Variants in TOM1L2 observed in about 807,000 individuals in gnomAD.
The protein encoded by TOM1L2 is target of myb1 like 2 membrane trafficking protein.
Under a neutral mutation model 67.9 loss-of-function variants are expected in TOM1L2, and 31 were observed. The observed-to-expected ratio is 0.46, with a 90% confidence interval of 0.34 to 0.62. The LOEUF (loss-of-function observed/expected upper bound fraction) is 0.62. Among genes scored for constraint, TOM1L2 ranks in the 20% least tolerant of loss-of-function variants. The pLI, the probability that TOM1L2 is intolerant of heterozygous loss-of-function variation, is 0.01. For synonymous variants in TOM1L2, 256 were observed against 254.0 expected, an observed-to-expected ratio of 1.01 and a Z score of -0.07; for missense variants, 606 against 663.5, an observed-to-expected ratio of 0.91 and a Z score of 0.95.
At chr17:17,869,131 A>C (rs2037010059) in intron 8 of TOM1L2, 4 of 924,714 alleles carry the variant, frequency 4.3e-6, no homozygotes, top group Non-Finnish European at 6.2e-6. Context: ...TCTGCACGTC[A>C]ACTTCCTGCT....
At chr17:17,859,986 G>T (rs1273288864) in intron 12 of TOM1L2, 1 of 152,354 alleles carries the variant, frequency 6.6e-6, no homozygotes, top group African/African-American at 2.4e-5. Flanking sequence ...GTGAAGGGCG[G>T]GAAGTCACTC....
At chr17:17,851,175 T>C in intron 12 of TOM1L2, 1 of 559,662 alleles carries the variant, frequency 1.8e-6, no homozygotes, top group Non-Finnish European at 3.2e-6. Flanking sequence ...AGAAGCAGGC[T>C]CCCGGCAGGG....
chr17:17,926,544 A>G (rs2040091737), intron 1 of TOM1L2, among the ~76,000 whole-genome samples: 1 of 152,234 alleles, frequency 6.6e-6, no homozygotes, highest in African/African-American at 2.4e-5. Flanking sequence ...CAGTGAGAAC[A>G]AACAGGGAAG....
chr17:17,873,955 CTTA>C (rs2037287312), intron 7 of TOM1L2, among the ~76,000 whole-genome samples: 1 of 151,326 alleles, frequency 6.6e-6, no homozygotes, highest in Non-Finnish European at 1.5e-5. Context: ...TATTTACTTA[CTTA>C]TTTTTTTTTT....
chr17:17,864,625 C>T (rs2143764757), intron 10 of TOM1L2, among the ~76,000 whole-genome samples: 1 of 152,132 alleles, frequency 6.6e-6, no homozygotes, highest in East Asian at 1.9e-4. Flanking sequence ...GATCCTCCTG[C>T]CTCAACCCCC....
chr17:17,959,682 A>C (rs1165201193), intron 1 of TOM1L2, among the ~76,000 whole-genome samples: 1 of 152,038 alleles, frequency 6.6e-6, no homozygotes, highest in African/African-American at 2.4e-5. Context: ...AGCAAAAAAA[A>C]CTCCACAGTG....
intron 1 of TOM1L2, among the ~76,000 whole-genome samples, chr17:17,962,071 A>G (rs1427747346): frequency 6.6e-6 from 1 of 152,254 alleles, no homozygotes; most frequent in Non-Finnish European, 1.5e-5. Flanking sequence ...ATGCTCCAAT[A>G]GAGATGAAAC....
intron 1 of TOM1L2, among the ~76,000 whole-genome samples, chr17:17,946,681 G>A (rs935001148): frequency 6.6e-6 from 1 of 152,004 alleles, no homozygotes; most frequent in Non-Finnish European, 1.5e-5. Context: ...CAGGAGGCCT[G>A]TTTTGCTCTC....
At chr17:17,922,269 T>C (rs968543444) in intron 1 of TOM1L2, among the ~76,000 whole-genome samples, 1 of 151,846 alleles carries the variant, frequency 6.6e-6, no homozygotes, top group South Asian at 2.1e-4. Flanking sequence ...AGGAACATCA[T>C]AGGCTATGCA....
At chr17:17,925,117 C>A (rs1034578086) in intron 1 of TOM1L2, among the ~76,000 whole-genome samples, 1 of 152,182 alleles carries the variant, frequency 6.6e-6, no homozygotes, top group Non-Finnish European at 1.5e-5. Flanking sequence ...CCTGAAGCCT[C>A]CTCAGAAGCA....
intron 4 of TOM1L2, 23 bp from the exon 5 acceptor site, chr17:17,884,791 A>G: frequency 6.2e-7 from 1 of 1,612,520 alleles, no homozygotes; most frequent in Non-Finnish European, 8.5e-7. Context: ...AAGGCCTGTT[A>G]GGAAGCATTT....
At position 17,882,741 on chromosome 17, in the gene TOM1L2, C is replaced by A. The variant is rs924775558; in HGVS notation, c.624G>T (p.Leu208=). 2 of 1,614,208 alleles carry A rather than the reference C, an allele frequency of 1.2e-6. No individual in the cohort carries two copies. The highest frequency in any genetic ancestry group is 1.7e-6 in the Non-Finnish European group (2 of 1,180,030). The change falls in exon 6 of 15, where the codon CTG becomes CTT. Residue 208 remains leucine (L), a synonymous_variant. Transcript: ENST00000379504. ...TGGCTGTGATGGGGCCAGTCACACTCAGAGCTGGGGCCTGCGGTGCGGAGT... is the reference window on the plus strand; with the variant it reads ...TGGCTGTGATGGGGCCAGTCACACTAAGAGCTGGGGCCTGCGGTGCGGAGT... The part of the protein sequence containing the change: ...APYSAPQAPA[L]SVTGPITANS...
At chr17:17,875,598 A>G (rs2037384612) in intron 7 of TOM1L2, among the ~76,000 whole-genome samples, 1 of 152,268 alleles carries the variant, frequency 6.6e-6, no homozygotes, top group South Asian at 2.1e-4. Context: ...AACAGAGGGA[A>G]GAACAGCTGG....
intron 1 of TOM1L2, among the ~76,000 whole-genome samples, chr17:17,949,205 T>A (rs1177223827): frequency 6.6e-6 from 1 of 152,228 alleles, no homozygotes; most frequent in African/African-American, 2.4e-5. Context: ...TCCACCTTCA[T>A]CTTTTCCCAG....
At chr17:17,929,302 C>T (rs556200477) in intron 1 of TOM1L2, among the ~76,000 whole-genome samples, 2 of 152,282 alleles carry the variant, frequency 1.3e-5, no homozygotes, top group African/African-American at 4.8e-5. Flanking sequence ...CTGCTTTGAG[C>T]AGCAGGCTTT....
intron 4 of TOM1L2, among the ~76,000 whole-genome samples, chr17:17,885,751 C>T (rs2037961682): frequency 6.6e-6 from 1 of 151,720 alleles, no homozygotes; most frequent in Non-Finnish European, 1.5e-5. Flanking sequence ...AGTGAAACCC[C>T]ATCTCTACTA....
intron 1 of TOM1L2, among the ~76,000 whole-genome samples, chr17:17,911,506 G>A (rs186433475): frequency 2.0e-5 from 3 of 152,246 alleles, no homozygotes; most frequent in East Asian, 1.9e-4. Flanking sequence ...AGGTTTTGAC[G>A]ATTTAGGTGA....
At chr17:17,903,420 G>A (rs1046967164) in intron 2 of TOM1L2, among the ~76,000 whole-genome samples, 6 of 151,972 alleles carry the variant, frequency 3.9e-5, no homozygotes, top group Non-Finnish European at 5.9e-5. Flanking sequence ...TAAGGGGATC[G>A]AGACCATGGT....
intron 4 of TOM1L2, among the ~76,000 whole-genome samples, chr17:17,887,855 A>T (rs1286123468): frequency 6.6e-6 from 1 of 152,158 alleles, no homozygotes; most frequent in Non-Finnish European, 1.5e-5. Flanking sequence ...ATCAGGTTAA[A>T]CTGAATTCAG....
Sources: allele counts gnomAD v4.1 joint callset (sites outside exome capture counted in the v4.1 genomes callset), GRCh38; gene constraint gnomAD v4.1.1; transcripts MANE v1.5; gene names NCBI Gene and HGNC (gene_info 2026-07-23, HGNC 2026-07-21).